The following CTNNA3 variants were observed in gnomAD, a reference collection of about 807,000 sequenced individuals.
The protein encoded by CTNNA3 is catenin alpha-3.
A neutral mutation model predicts 95.7 loss-of-function variants in CTNNA3; 76 were observed. That is an observed-to-expected ratio of 0.79 (90% CI 0.66 to 0.96). The LOEUF (loss-of-function observed/expected upper bound fraction) is 0.96. Among genes scored for constraint, CTNNA3 ranks in the 40% least tolerant of loss-of-function variants. CTNNA3 has a pLI of 0.00. For synonymous variants in CTNNA3, 431 were observed against 374.4 expected (o/e 1.15, Z -1.74); for missense variants, 1,191 against 1,089.8 (o/e 1.09, Z -1.31).
chr10:66,068,468 A>T (rs1271932222), intron 15 of CTNNA3, among the ~76,000 whole-genome samples: 1 of 152,164 alleles, frequency 6.6e-6, no homozygotes, highest in Non-Finnish European at 1.5e-5. Flanking sequence ...TGAAAGATTC[A>T]TGTACATTTT....
chr10:66,969,698 C>T (rs1050476345), intron 7 of CTNNA3, among the ~76,000 whole-genome samples: 1 of 152,104 alleles, frequency 6.6e-6, no homozygotes, highest in Non-Finnish European at 1.5e-5. Flanking sequence ...TAGGTCAAAG[C>T]TGATATACTT....
At chr10:67,726,880 TATA>T (rs1421531926) in intron 1 of CTNNA3, among the ~76,000 whole-genome samples, 54 of 114,050 alleles carry the variant, frequency 4.7e-4, no homozygotes, top group Non-Finnish European at 6.6e-4. Context: ...ATATATTATA[TATA>T]ATGATACATC....
At chr10:67,624,574 A>G (rs1843964552) in intron 2 of CTNNA3, among the ~76,000 whole-genome samples, 1 of 152,166 alleles carries the variant, frequency 6.6e-6, no homozygotes, top group Non-Finnish European at 1.5e-5. Flanking sequence ...TCTCCTGTTA[A>G]TCTGCCTCTT....
At chr10:67,336,797 T>A (rs1004389896) in intron 5 of CTNNA3, among the ~76,000 whole-genome samples, 3 of 152,216 alleles carry the variant, frequency 2.0e-5, no homozygotes, top group African/African-American at 7.2e-5. Context: ...CTACTCTGCC[T>A]GTGCTTTATA....
chr10:66,238,458 A>T (rs2089963065), intron 13 of CTNNA3, among the ~76,000 whole-genome samples: 1 of 152,036 alleles, frequency 6.6e-6, no homozygotes, highest in Non-Finnish European at 1.5e-5. Context: ...ATTATTGTAA[A>T]CTCAAATTTC....
At chr10:67,644,120 C>T (rs1390227193) in intron 2 of CTNNA3, among the ~76,000 whole-genome samples, 2 of 152,216 alleles carry the variant, frequency 1.3e-5, no homozygotes, top group Non-Finnish European at 2.9e-5. Flanking sequence ...TTGCCTTCCA[C>T]AATGGTTGAA....
chr10:67,575,974 A>T (rs1333135576), intron 3 of CTNNA3, among the ~76,000 whole-genome samples: 2 of 152,192 alleles, frequency 1.3e-5, no homozygotes, highest in African/African-American at 4.8e-5. Flanking sequence ...CTGAGCAAAG[A>T]TAGATTAGTA....
At chr10:65,949,917 T>C (rs911903718) in intron 17 of CTNNA3, among the ~76,000 whole-genome samples, 4 of 151,798 alleles carry the variant, frequency 2.6e-5, no homozygotes, top group African/African-American at 9.7e-5. Context: ...GGCATCAGAG[T>C]GGGTGGAGAC....
At chr10:67,495,048 A>G (rs1326860237) in intron 5 of CTNNA3, among the ~76,000 whole-genome samples, 2 of 152,204 alleles carry the variant, frequency 1.3e-5, no homozygotes, top group African/African-American at 2.4e-5. Flanking sequence ...TTCAAATTTA[A>G]CTGGGCATTC....
intron 5 of CTNNA3, among the ~76,000 whole-genome samples, chr10:67,293,630 TA>T (rs1219758610): frequency 1.3e-5 from 2 of 151,822 alleles, no homozygotes; most frequent in African/African-American, 4.8e-5. Flanking sequence ...ACTCGTCATT[TA>T]ACATTAGGTA....
At chr10:66,161,047 C>T (rs1649252787) in intron 13 of CTNNA3, among the ~76,000 whole-genome samples, 1 of 152,110 alleles carries the variant, frequency 6.6e-6, no homozygotes, top group South Asian at 2.1e-4. Context: ...TTTTCCCACA[C>T]CTTTTCTTTA....
intron 12 of CTNNA3, among the ~76,000 whole-genome samples, chr10:66,328,933 T>TATATATATATATAC (rs59003281): frequency 5.0e-4 from 58 of 115,376 alleles, no homozygotes; most frequent in East Asian, 2.9e-3. Flanking sequence ...TATATATATA[T>TATATATATATATAC]ACACACACAC....
At position 66,558,457 on chromosome 10, in the gene CTNNA3, T is replaced by C. The variant is rs185347641; in HGVS notation, c.1375-37684A>G. Among the ~76,000 whole-genome samples the C allele has an allele frequency of 4.6e-5, 7 of 152,268 alleles. No homozygotes were observed. In the East Asian group the frequency reaches 1.2e-3, roughly 25 times the overall value. On this transcript the variant is annotated intron_variant, in intron 10 of 17. Coordinates refer to ENST00000433211, the MANE Select transcript of CTNNA3 (RefSeq NM_013266.4). The stretch of plus-strand genomic sequence containing the variant: ...TGGGTATTGGAAATCTTTGACACTT[T>C]TCTGGGATTCACTGATGGCCTGCAG...
chr10:67,555,332 A>C (rs2133239764), intron 3 of CTNNA3, among the ~76,000 whole-genome samples: 1 of 152,238 alleles, frequency 6.6e-6, no homozygotes, highest in East Asian at 1.9e-4. Flanking sequence ...TGAATCTATA[A>C]ATTACCTTGG....
At chr10:67,651,516 A>C (rs1839877820) in intron 1 of CTNNA3, among the ~76,000 whole-genome samples, 1 of 152,212 alleles carries the variant, frequency 6.6e-6, no homozygotes, top group Non-Finnish European at 1.5e-5. Flanking sequence ...AGAATTCCCT[A>C]TTAAGTCATT....
intron 11 of CTNNA3, among the ~76,000 whole-genome samples, chr10:66,502,042 T>G (rs1840294917): frequency 6.6e-6 from 1 of 151,874 alleles, no homozygotes; most frequent in Non-Finnish European, 1.5e-5. Context: ...ATAAAAGTAT[T>G]TTTTTAATCT....
At chr10:66,531,387 C>T (rs909564863) in intron 10 of CTNNA3, among the ~76,000 whole-genome samples, 1 of 151,330 alleles carries the variant, frequency 6.6e-6, no homozygotes, top group East Asian at 2.0e-4. Flanking sequence ...ATGGTTTGTT[C>T]GTTTGTTTGT....
At chr10:66,133,370 C>T (rs1245475081) in intron 13 of CTNNA3, among the ~76,000 whole-genome samples, 1 of 151,912 alleles carries the variant, frequency 6.6e-6, no homozygotes, top group Non-Finnish European at 1.5e-5. Flanking sequence ...CAAAAATTAG[C>T]CAGGCGTGGT....
chr10:66,578,670 C>T (rs554806583), intron 10 of CTNNA3, among the ~76,000 whole-genome samples: 1 of 152,076 alleles, frequency 6.6e-6, no homozygotes, highest in South Asian at 2.1e-4. Context: ...ATAAACCCTA[C>T]TTGATCACCG....
Sources: allele counts gnomAD v4.1 joint callset (sites outside exome capture counted in the v4.1 genomes callset), GRCh38; gene constraint gnomAD v4.1.1; transcripts MANE v1.5; gene names NCBI Gene and HGNC (gene_info 2026-07-23, HGNC 2026-07-21).